The following CSMD1 variants were observed in gnomAD, a reference collection of about 807,000 sequenced individuals.
The protein encoded by CSMD1 is CUB and Sushi multiple domains 1, also known as CUB and sushi domain-containing protein 1.
Under a neutral mutation model 417.5 loss-of-function variants are expected in CSMD1, and 213 were observed. That is an observed-to-expected ratio of 0.51 (90% confidence interval 0.46 to 0.57). The LOEUF (loss-of-function observed/expected upper bound fraction) is 0.57. Among genes scored for constraint, CSMD1 ranks in the 20% least tolerant of loss-of-function variants. The pLI is 0.00. For synonymous variants in CSMD1, 2,862 were observed against 1,736.8 expected, an observed-to-expected ratio of 1.65 and a Z score of -16.11; for missense variants, 6,923 against 4,529.7, an observed-to-expected ratio of 1.53 and a Z score of -15.17.
intron 13 of CSMD1, among the ~76,000 whole-genome samples, chr8:3,408,564 G>T (rs1190882933): frequency 6.6e-6 from 1 of 151,272 alleles, no homozygotes; most frequent in African/African-American, 2.5e-5. Flanking sequence ...TATTAATATG[G>T]AAAAGTATAT....
chr8:3,449,772 C>T (rs1815569728), intron 12 of CSMD1, among the ~76,000 whole-genome samples: 1 of 152,152 alleles, frequency 6.6e-6, no homozygotes, highest in South Asian at 2.1e-4. Context: ...CCCACCTTGG[C>T]CTCCCAAAGT....
chr8:4,718,468 G>C (rs1320848594), intron 1 of CSMD1, among the ~76,000 whole-genome samples: 1 of 151,964 alleles, frequency 6.6e-6, no homozygotes, highest in East Asian at 1.9e-4. Flanking sequence ...CATCACTCCT[G>C]AAGACAGGAA....
intron 2 of CSMD1, among the ~76,000 whole-genome samples, chr8:4,451,122 G>A (rs958199577): frequency 9.2e-5 from 14 of 152,154 alleles, no homozygotes; most frequent in African/African-American, 3.1e-4. Context: ...GAGTTCAAGA[G>A]ATCCAGACTA....
chr8:4,437,740 G>A (rs1563172371), intron 2 of CSMD1, among the ~76,000 whole-genome samples: 1 of 152,110 alleles, frequency 6.6e-6, no homozygotes, highest in Admixed American at 6.6e-5. Context: ...GGCTGCCAAT[G>A]AGTTCCATGT....
rs562084690 is a variant in CSMD1 at position 4,392,642 on chromosome 8, G to A, written c.415+27311C>T. 4.0e-5 allele frequency among the ~76,000 whole-genome samples: 6 copies of A among 151,584 alleles called. No homozygotes were observed. In the East Asian group the frequency reaches 1.2e-3, roughly 30 times the overall value. ...GAAAAGAGCAGGGGTTTTTTGGGGG[G>A]GAGGGTTATTATTATTATTATTATT... On this transcript the variant is annotated intron_variant, in intron 3 of 69. Transcript: ENST00000635120.
intron 7 of CSMD1, among the ~76,000 whole-genome samples, chr8:3,699,599 T>C (rs1173199987): frequency 6.6e-6 from 1 of 152,200 alleles, no homozygotes; most frequent in Non-Finnish European, 1.5e-5. Context: ...ATAGTGAATT[T>C]CCATTTTTAC....
At chr8:3,814,406 TAAAAAC>T (rs1370458019) in intron 5 of CSMD1, among the ~76,000 whole-genome samples, 3 of 152,172 alleles carry the variant, frequency 2.0e-5, no homozygotes, top group Non-Finnish European at 2.9e-5. Context: ...GGAGTAAACT[TAAAAAC>T]AAACACCTGT....
intron 7 of CSMD1, among the ~76,000 whole-genome samples, chr8:3,666,720 C>T (rs534595695): frequency 2.1e-4 from 32 of 152,304 alleles, no homozygotes; most frequent in Middle Eastern, 3.4e-3. Flanking sequence ...TAAGGGGAAA[C>T]CCCTTTGGCT....
At chr8:4,760,288 T>G (rs1379326) in intron 1 of CSMD1, among the ~76,000 whole-genome samples, 2 of 152,076 alleles carry the variant, frequency 1.3e-5, no homozygotes, top group Non-Finnish European at 2.9e-5. Flanking sequence ...GCCTTTGGCA[T>G]GTGAAGATAA....
chr8:3,542,394 G>C (rs1798477450), intron 10 of CSMD1, among the ~76,000 whole-genome samples: 1 of 152,140 alleles, frequency 6.6e-6, no homozygotes, highest in Non-Finnish European at 1.5e-5. Context: ...ATATATTTTA[G>C]CACCTACCCT....
In CSMD1 at chr8:4,925,039, T is replaced by C. The variant is rs1806760297; in HGVS notation, c.85+69293A>G. 2.0e-5 allele frequency among the ~76,000 whole-genome samples: 3 copies of C among 152,074 alleles called. No homozygotes were observed. In the South Asian group the frequency reaches 6.2e-4, roughly 31 times the overall value. On this transcript the variant is annotated intron_variant, in intron 1 of 69. Transcript: ENST00000635120. ...GGAATGAATGAGCAAGTGACTTGAA[T>C]TACTACATACCTTAAATAGTTTGGG...
intron 12 of CSMD1, among the ~76,000 whole-genome samples, chr8:3,418,460 A>G (rs1813293685): frequency 6.6e-6 from 1 of 152,162 alleles, no homozygotes; most frequent in African/African-American, 2.4e-5. Flanking sequence ...GAAAGCAACA[A>G]TTTTATTCAA....
intron 3 of CSMD1, among the ~76,000 whole-genome samples, chr8:4,072,914 T>G (rs983172260): frequency 1.3e-5 from 2 of 152,204 alleles, no homozygotes; most frequent in East Asian, 3.8e-4. Context: ...AACACAACCT[T>G]GGATATTACC....
intron 5 of CSMD1, among the ~76,000 whole-genome samples, chr8:3,920,800 C>A (rs939379812): frequency 1.3e-5 from 2 of 152,050 alleles, no homozygotes; most frequent in African/African-American, 2.4e-5. Context: ...GTTAAAACAA[C>A]CTTGCATCCC....
chr8:3,755,135 G>A (rs1200558617), intron 5 of CSMD1, among the ~76,000 whole-genome samples: 1 of 152,162 alleles, frequency 6.6e-6, no homozygotes, highest in Non-Finnish European at 1.5e-5. Context: ...AGATATTAAA[G>A]CTCCTGCCCG....
intron 3 of CSMD1, among the ~76,000 whole-genome samples, chr8:4,235,468 T>G (rs1282483180): frequency 1.3e-5 from 2 of 152,126 alleles, no homozygotes; most frequent in African/African-American, 4.8e-5. Context: ...CTGAGTGTGA[T>G]TTGGAAACCT....
intron 2 of CSMD1, among the ~76,000 whole-genome samples, chr8:4,486,124 TATATATATATATACATAC>T (rs1396140215): frequency 0.084 from 3,321 of 39,386 alleles, 202 homozygotes; most frequent in African/African-American, 0.19. Flanking sequence ...TATACATACA[TATATATATATATACATAC>T]ATATATATAT....
intron 7 of CSMD1, among the ~76,000 whole-genome samples, chr8:3,651,846 A>G (rs1386766542): frequency 1.3e-5 from 2 of 151,298 alleles, no homozygotes; most frequent in African/African-American, 4.9e-5. Flanking sequence ...AGCACCCACC[A>G]TCGCACTTAC....
At chr8:4,055,853 G>T (rs1157795786) in intron 3 of CSMD1, among the ~76,000 whole-genome samples, 1 of 152,026 alleles carries the variant, frequency 6.6e-6, no homozygotes, top group East Asian at 1.9e-4. Flanking sequence ...TTTTTACTAT[G>T]CCAGCTTATT....
Sources: allele counts gnomAD v4.1 joint callset (sites outside exome capture counted in the v4.1 genomes callset), GRCh38; gene constraint gnomAD v4.1.1; transcripts MANE v1.5; gene names NCBI Gene and HGNC (gene_info 2026-07-23, HGNC 2026-07-21).